Variants in KCNK7 observed in about 807,000 individuals in gnomAD.
KCNK7 encodes potassium channel subfamily K member 7.
In KCNK7, 14 loss-of-function variants were observed where a neutral mutation model predicts 18.1. The ratio of observed to expected loss-of-function variants is 0.77; its 90% confidence interval spans 0.51 to 1.21. KCNK7 has a LOEUF of 1.21. KCNK7 is among the 50% of genes most tolerant of loss of function. The pLI is 0.00. For synonymous variants in KCNK7, 188 were observed against 184.7 expected (o/e 1.02, Z -0.15); for missense variants, 385 against 387.3 (o/e 0.99, Z 0.05).
intron 1 of KCNK7, 30 bp downstream of exon 1, chr11:65,595,424 C>G: frequency 7.1e-7 from 1 of 1,405,236 alleles, no homozygotes. Context: ...TGGAGCCGCA[C>G]CCCCCGACTT....
chr11:65,593,796 G>C lies in KCNK7; in HGVS notation c.398C>G (p.Ser133Cys), dbSNP rs1326284251. 6.2e-7 allele frequency: 1 copy of C among 1,606,554 alleles called. No individual in the cohort carries two copies. Among genetic ancestry groups the C allele is most frequent in the Admixed American group, 1.7e-5 (1 of 59,588 alleles). ...GCGCAGGGTGGCCACGAGAGCTAAG[G>C]AGGCTGGCAGCCCCAGGGCTGCATA... ...MVYAALGLPA[S>C]LALVATLRHC... is the part of the protein sequence containing the mutation. The change falls in exon 2 of 3, where the codon TCC (serine) becomes TGC (cysteine). Residue 133 changes from serine to cysteine, a missense_variant. By Grantham distance (112) the Ser-to-Cys change is moderately radical. Coordinates refer to ENST00000340313, the MANE Select transcript of KCNK7 (RefSeq NM_033347.2).
At position 65,593,547 on chromosome 11, in the gene KCNK7, T is replaced by G; in HGVS notation, c.647A>C (p.Glu216Ala). ...GCGGCCGCGGCCGGGCAGCAAGTCC[T>G]CCAGGCCAATGGTGCTGAGCGAGCT... ...CFSSLSTIGL[E>A]DLLPGRGRSL... Residue 216 changes from glutamate to alanine, a missense_variant, in exon 2 of 3, where the codon GAG (glutamate) becomes GCG (alanine). By Grantham distance (107) the Glu-to-Ala change is moderately radical. Transcript: ENST00000340313. 1 of 1,610,850 alleles carries G rather than the reference T, an allele frequency of 6.2e-7. No individual in the cohort carries two copies. Among genetic ancestry groups the G allele is most frequent in the East Asian group, 2.2e-5 (1 of 44,882 alleles).
chr11:65,594,597 C>G (rs1057178029), intron 1 of KCNK7, among the ~76,000 whole-genome samples: 6 of 152,182 alleles, frequency 3.9e-5, no homozygotes, highest in Non-Finnish European at 7.3e-5. Context: ...GAGCTGGGCA[C>G]AGTGGCTCAC....
chr11:65,593,727 G>T lies in KCNK7; in HGVS notation c.467C>A (p.Ala156Glu). 6.2e-7 allele frequency: 1 copy of T among 1,610,372 alleles called. No homozygotes were observed. The highest frequency in any genetic ancestry group is 1.1e-5 in the South Asian group (1 of 91,018). The change falls in exon 2 of 3, where the codon GCG (alanine) becomes GAG (glutamate). Residue 156 changes from alanine to glutamate, a missense_variant. Physicochemically the swap from Ala to Glu is moderately radical, Grantham distance 107 (BLOSUM62 -1). Transcript: ENST00000340313. ...PVLSRPRAWVAVHWQLSPARA... is the reference protein window; with the variant it reads ...PVLSRPRAWVEVHWQLSPARA... ...GGCCGGTGACAGCTGCCAGTGGACC[G>T]CTACCCAGGCACGTGGGCGGCTGAG...
chr11:65,593,371 G>T, intron 2 of KCNK7, 105 bp downstream of exon 2: 1 of 1,613,878 alleles, frequency 6.2e-7, no homozygotes, highest in Non-Finnish European at 8.5e-7. Context: ...GCCCTGGAGT[G>T]AGGTCCCTCC....
chr11:65,593,430 C>G, intron 2 of KCNK7, 46 bp downstream of exon 2: 1 of 1,613,762 alleles, frequency 6.2e-7, no homozygotes, highest in Admixed American at 1.7e-5. Flanking sequence ...CTAGTCCAGG[C>G]TCCTCTTCCC....
At chr11:65,593,987 CT>C in intron 1 of KCNK7, 113 bp from the exon 2 acceptor site, 8 of 1,161,116 alleles carry the variant, frequency 6.9e-6, no homozygotes, top group Admixed American at 3.2e-5. Context: ...TGGCCTTGAA[CT>C]GGCCAGGCCC....
rs1429545484 is a variant in KCNK7 at position 65,595,752 on chromosome 11, C to T, written c.21G>A (p.Trp7Ter). MGGLRP[W>*]SRYGLLVVAH... ...CCACAACCAGGAGCCCGTATCGGGA[C>T]CAGGGCCTTAGACCCCCCATGGCAG... The change falls in exon 1 of 3, where the codon TGG becomes TGA. Residue 7 changes from tryptophan to a stop codon, truncating the protein, a stop_gained. Transcript: ENST00000340313. LOFTEE classifies it high-confidence loss of function. The T allele has an allele frequency of 6.4e-7, 1 of 1,555,864 alleles. No individual in the cohort carries two copies. The highest frequency in any genetic ancestry group is 2.3e-5 in the East Asian group (1 of 43,022).
At position 65,592,875 on chromosome 11, in the gene KCNK7, A is replaced by T; in HGVS notation, c.*130T>A. ...CGAAGTCGTTGCTCATTTTATGATT[A>T]ACAGTATCCTCTGAGGCCTCCCGCC... On this transcript the variant is annotated 3_prime_UTR_variant, in exon 3 of 3. Coordinates refer to ENST00000340313, the MANE Select transcript of KCNK7 (RefSeq NM_033347.2). The T allele has an allele frequency of 9.6e-7, 1 of 1,044,732 alleles. No homozygotes were observed. Among genetic ancestry groups the T allele is most frequent in the Non-Finnish European group, 1.3e-6 (1 of 741,190 alleles). The allele number at this position is 1,044,732 out of a possible 1,614,324, so 64.7% of individuals were successfully genotyped here. A position where few individuals can be genotyped will look rare whatever the true frequency, so the allele number is the denominator to read the frequency against.
chr11:65,593,238 G>T, intron 2 of KCNK7, 28 bp from the exon 3 acceptor site: 1 of 1,612,984 alleles, frequency 6.2e-7, no homozygotes, highest in Non-Finnish European at 8.5e-7. Flanking sequence ...CTGGGGCAGC[G>T]CCTGGGTTCT....
At chr11:65,595,404 C>T in intron 1 of KCNK7, 50 bp downstream of exon 1, 2 of 1,368,866 alleles carry the variant, frequency 1.5e-6, no homozygotes, top group Non-Finnish European at 1.9e-6. Context: ...CCCAGGGAGC[C>T]ATGGCCTCTT....
chr11:65,595,285 A>C (rs1854328464), intron 1 of KCNK7, among the ~76,000 whole-genome samples, 169 bp downstream of exon 1: 1 of 152,226 alleles, frequency 6.6e-6, no homozygotes. Flanking sequence ...TGGAGGCACC[A>C]GTTGGGGTGT....
intron 2 of KCNK7, 104 bp from the exon 3 acceptor site, chr11:65,593,314 T>C (rs756570805): frequency 3.7e-6 from 6 of 1,613,714 alleles, no homozygotes; most frequent in Non-Finnish European, 5.1e-6. Flanking sequence ...ACTCACCCCC[T>C]TCTCAACGCT....
At chr11:65,594,826 C>T (rs1854319497) in intron 1 of KCNK7, among the ~76,000 whole-genome samples, 1 of 151,580 alleles carries the variant, frequency 6.6e-6, no homozygotes, top group African/African-American at 2.4e-5. Flanking sequence ...GCCAAGATCG[C>T]ACCACCGCAC....
chr11:65,593,146 C>T lies in KCNK7; in HGVS notation c.783G>A (p.Gln261=). The change falls in exon 3 of 3, where the codon CAG becomes CAA. Residue 261 remains glutamine (Q), a synonymous_variant. Coordinates refer to ENST00000340313, the MANE Select transcript of KCNK7 (RefSeq NM_033347.2). ...LAVETFSELP[Q]VRAMGKFFRP... Reference sequence around the variant, plus strand: ...TGAAGAACTTCCCCATGGCACGGACCTGCGGCAGCTCAGAGAAGGTCTCCA... The same window carrying T: ...TGAAGAACTTCCCCATGGCACGGACTTGCGGCAGCTCAGAGAAGGTCTCCA... 6.2e-7 allele frequency: 1 copy of T among 1,613,776 alleles called. No individual in the cohort carries two copies. The highest frequency in any genetic ancestry group is 8.5e-7 in the Non-Finnish European group (1 of 1,179,884).
chr11:65,593,519 G>C lies in KCNK7; in HGVS notation c.675C>G (p.Ser225Arg). ...LEDLLPGRGR[S>R]LHPVIYHLGQ... is the part of the protein sequence containing the mutation. ...CCAGGTGGTAAATCACGGGGTGCAG[G>C]CTGCGGCCGCGGCCGGGCAGCAAGT... Residue 225 changes from serine to arginine, a missense_variant, in exon 2 of 3, where the codon AGC (serine) becomes AGG (arginine). Transcript: ENST00000340313. 3.1e-6 allele frequency: 5 copies of C among 1,612,964 alleles called. No homozygotes were observed. The highest frequency in any genetic ancestry group is 3.4e-6 in the Non-Finnish European group (4 of 1,180,006).
At position 65,595,618 on chromosome 11, in the gene KCNK7, G is replaced by C. The variant is rs1227280333; in HGVS notation, c.155C>G (p.Ala52Gly). 1 of 1,603,932 alleles carries C rather than the reference G, an allele frequency of 6.2e-7. No homozygotes were observed. Among genetic ancestry groups the C allele is most frequent in the Non-Finnish European group, 8.5e-7 (1 of 1,175,150 alleles). ...GGGTGGCAGGCAGGCCCTATGCTCT[G>C]CCTGGAAGGCTGCCAGCTCTGCCCT... Reference protein sequence around the residue: ...ELRAELAAFQAEHRACLPPGA... With the variant: ...ELRAELAAFQGEHRACLPPGA... Residue 52 changes from alanine to glycine, a missense_variant, in exon 1 of 3, where the codon GCA (alanine) becomes GGA (glycine). Ala to Gly is a moderately conservative substitution (Grantham distance 60). Transcript: ENST00000340313.
chr11:65,594,869 CAA>C (rs796583571), intron 1 of KCNK7, among the ~76,000 whole-genome samples: 1 of 134,634 alleles, frequency 7.4e-6, no homozygotes. Flanking sequence ...GACACCGTTT[CAA>C]AAAAAAAAAA....
chr11:65,595,765 C>T lies in KCNK7; in HGVS notation c.8G>A (p.Gly3Asp), dbSNP rs750742058. ...CCCGTATCGGGACCAGGGCCTTAGA[C>T]CCCCCATGGCAGGCCGCTGGGGTGC... MG[G>D]LRPWSRYGLL... Residue 3 changes from glycine to aspartate, a missense_variant, in exon 1 of 3, where the codon GGT becomes GAT. By Grantham distance (94) the Gly-to-Asp change is moderately conservative. Transcript: ENST00000340313. The T allele has an allele frequency of 2.9e-4, 445 of 1,517,422 alleles. No homozygotes were observed. Among genetic ancestry groups the T allele is most frequent in the East Asian group, 1.2e-4 (5 of 41,998 alleles). 94.0% of individuals were successfully genotyped at this position (1,517,422 alleles called of 1,614,324 possible).
Sources: gnomAD v4.1 joint callset for allele counts (sites outside exome capture counted in the v4.1 genomes callset) on GRCh38, gnomAD v4.1.1 for gene constraint, MANE v1.5 for transcripts, NCBI Gene and HGNC (gene_info 2026-07-23, HGNC 2026-07-21) for gene names.